DAAM1: variants seen among roughly 807,000 people sequenced by gnomAD.
DAAM1 encodes dishevelled associated activator of morphogenesis 1, also known as disheveled-associated activator of morphogenesis 1.
Under a neutral mutation model 130.0 loss-of-function variants are expected in DAAM1, and 52 were observed. The ratio of observed to expected loss-of-function variants is 0.40; its 90% CI spans 0.32 to 0.50. DAAM1 has a LOEUF of 0.50. Ranked by LOEUF, DAAM1 falls within the 20% of genes least tolerant of loss-of-function variation. The pLI is 0.61. For missense variants in DAAM1, 1,134 were observed against 1,303.8 expected, an observed-to-expected ratio of 0.87 and a Z score of 2.01; for synonymous variants, 452 against 444.5, an observed-to-expected ratio of 1.02 and a Z score of -0.21.
intron 16 of DAAM1, among the ~76,000 whole-genome samples, chr14:59,342,977 A>G (rs985533162): frequency 3.3e-5 from 5 of 152,166 alleles, no homozygotes; most frequent in Non-Finnish European, 7.4e-5. Context: ...CAGGCAGGAG[A>G]GCCCGAAATT....
chr14:59,338,494 G>GTTTTGT lies in DAAM1; in HGVS notation c.1969-1563_1969-1558dup, dbSNP rs1555364260. On this transcript the variant is annotated intron_variant, in intron 15 of 24. Coordinates refer to ENST00000360909, the MANE Select transcript of DAAM1 (RefSeq NM_001270520.2). ...GCTTGAAATCTCTTCGTTATCCAGG[G>GTTTTGT]TTTTGTTTTTGTTTTTGTTTTTTTA... 5.2e-6 allele frequency: 8 copies of GTTTTGT among 1,529,910 alleles called. No homozygotes were observed. In the Admixed American group the frequency reaches 5.2e-5, roughly 10 times the overall value. 94.8% of individuals were successfully genotyped at this position (1,529,910 alleles called of 1,614,324 possible). A position where few individuals can be genotyped will look rare whatever the true frequency, so the allele number is the denominator to read the frequency against.
At chr14:59,282,866 C>G (rs1883286503) in intron 2 of DAAM1, among the ~76,000 whole-genome samples, 1 of 152,120 alleles carries the variant, frequency 6.6e-6, no homozygotes, top group Admixed American at 6.6e-5. Flanking sequence ...CCCATTTATT[C>G]CTTTCCATTT....
intron 12 of DAAM1, among the ~76,000 whole-genome samples, chr14:59,329,047 A>T (rs962656755): frequency 6.6e-6 from 1 of 152,118 alleles, no homozygotes; most frequent in Admixed American, 6.5e-5. Flanking sequence ...GAAGTGCTCA[A>T]TAAAAGCTTA....
Position 59,324,226 on chromosome 14 carries a change from A to G in DAAM1, c.873A>G (p.Gln291=), listed in dbSNP as rs1885124575. 2 of 1,436,606 alleles carry G rather than the reference A, an allele frequency of 1.4e-6. No individual in the cohort carries two copies. Among genetic ancestry groups the G allele is most frequent in the Non-Finnish European group, 1.8e-6 (2 of 1,090,528 alleles). The allele number at this position is 1,436,606 out of a possible 1,614,324, so 89.0% of individuals were successfully genotyped here. Residue 291 remains glutamine (Q), a synonymous_variant, in exon 7 of 25, where the codon CAA becomes CAG. Transcript: ENST00000360909. ...CCTTCATTAATGCAGTGCTCAGCCA[A>G]GGTGCAGGAGTGGTAAGAACCTTCT... is the stretch of plus-strand genomic sequence containing the variant. The part of the protein sequence containing the change: ...IMSFINAVLS[Q]GAGVESLDFR...
At chr14:59,296,787 A>G (rs1883970315) in intron 3 of DAAM1, among the ~76,000 whole-genome samples, 1 of 152,074 alleles carries the variant, frequency 6.6e-6, no homozygotes, top group African/African-American at 2.4e-5. Context: ...TTTGATTTCT[A>G]TTTTGTTTCT....
At chr14:59,321,846 A>G (rs1035843812) in intron 5 of DAAM1, among the ~76,000 whole-genome samples, 3 of 152,204 alleles carry the variant, frequency 2.0e-5, no homozygotes, top group Non-Finnish European at 2.9e-5. Flanking sequence ...TCAGATGTTA[A>G]TCGATATCCA....
intron 4 of DAAM1, among the ~76,000 whole-genome samples, chr14:59,317,939 T>C (rs12372866): frequency 0.11 from 16,877 of 152,220 alleles, 1,512 homozygotes; most frequent in African/African-American, 0.25. Context: ...GATAGGCTTC[T>C]GTTTTCTTTA....
intron 1 of DAAM1, among the ~76,000 whole-genome samples, chr14:59,197,058 C>T (rs1887920843): frequency 6.6e-6 from 1 of 152,012 alleles, no homozygotes; most frequent in Non-Finnish European, 1.5e-5. Flanking sequence ...GTAGCTGGGA[C>T]TACAGGCGCC....
intron 2 of DAAM1, among the ~76,000 whole-genome samples, chr14:59,274,575 G>A (rs934943807): frequency 2.6e-5 from 4 of 152,118 alleles, no homozygotes; most frequent in Non-Finnish European, 1.5e-5. Flanking sequence ...TCCAGAGTAG[G>A]TGCTCAATGA....
At chr14:59,367,353 G>C in intron 23 of DAAM1, 76 bp from the exon 24 acceptor site, 4 of 1,515,266 alleles carry the variant, frequency 2.6e-6, no homozygotes, top group Non-Finnish European at 3.5e-6. Flanking sequence ...CTGGGCTTTG[G>C]TCTTTCTCAA....
chr14:59,283,314 G>A (rs188701110), intron 2 of DAAM1, among the ~76,000 whole-genome samples: 15 of 152,224 alleles, frequency 9.9e-5, no homozygotes, highest in Admixed American at 4.6e-4. Context: ...TTAAGTGCAG[G>A]TATGAATAAC....
chr14:59,347,527 T>C lies in DAAM1; in HGVS notation c.2076-12T>C. On this transcript the variant is annotated splice_polypyrimidine_tract_variant and intron_variant, in intron 16 of 24. Coordinates refer to ENST00000360909, the MANE Select transcript of DAAM1 (RefSeq NM_001270520.2). Reference sequence around the variant, plus strand: ...AACCAATATGGTTAATAACAAAATATTCTTTCTCCAGGTTGAAATTATCCA... The same window carrying C: ...AACCAATATGGTTAATAACAAAATACTCTTTCTCCAGGTTGAAATTATCCA... The C allele has an allele frequency of 6.2e-7, 1 of 1,611,566 alleles. No homozygotes were observed. Among genetic ancestry groups the C allele is most frequent in the Non-Finnish European group, 8.5e-7 (1 of 1,178,434 alleles).
At chr14:59,217,970 CAAA>C (rs529262981) in intron 1 of DAAM1, among the ~76,000 whole-genome samples, 1 of 109,738 alleles carries the variant, frequency 9.1e-6, no homozygotes. Flanking sequence ...GACTCTGTCT[CAAA>C]AAAAAAAAAA....
At chr14:59,274,946 C>T (rs1330018652) in intron 2 of DAAM1, among the ~76,000 whole-genome samples, 1 of 152,172 alleles carries the variant, frequency 6.6e-6, no homozygotes, top group Non-Finnish European at 1.5e-5. Context: ...CTGTATATTA[C>T]GTGGTGAAAT....
chr14:59,274,128 C>A (rs1344402988), intron 2 of DAAM1, among the ~76,000 whole-genome samples: 1 of 152,074 alleles, frequency 6.6e-6, no homozygotes, highest in East Asian at 1.9e-4. Flanking sequence ...AATTTTTGTT[C>A]CTTGGCAAAC....
intron 17 of DAAM1, 100 bp downstream of exon 17, chr14:59,347,723 C>T: frequency 8.5e-7 from 1 of 1,175,344 alleles, no homozygotes; most frequent in Non-Finnish European, 1.2e-6. Flanking sequence ...ATCATTTCCT[C>T]ATCTATGAAT....
rs375251391 is a variant in DAAM1 at position 59,326,089 on chromosome 14, C to T, written c.1174+12C>T. On this transcript the variant is annotated intron_variant, in intron 10 of 24. Coordinates refer to ENST00000360909, the MANE Select transcript of DAAM1 (RefSeq NM_001270520.2). Reference sequence around the variant, plus strand: ...CCTCCAAATGCCTTGTAAGTGTGTTCGTGACTCACATGTGTGCTTCTGAAT... The same window carrying T: ...CCTCCAAATGCCTTGTAAGTGTGTTTGTGACTCACATGTGTGCTTCTGAAT... 2.7e-4 allele frequency: 433 copies of T among 1,608,342 alleles called. 1 individual carries two copies. The African/African-American group carries it at 5.0e-3, about 18-fold the overall frequency.
intron 3 of DAAM1, 47 bp from the exon 4 acceptor site, chr14:59,315,233 G>A (rs768093118): frequency 4.5e-6 from 7 of 1,553,228 alleles, no homozygotes; most frequent in Non-Finnish European, 6.2e-6. Flanking sequence ...TCTAGGTGCT[G>A]TGTGTATATG....
At chr14:59,296,799 T>A (rs960663575) in intron 3 of DAAM1, among the ~76,000 whole-genome samples, 6 of 152,226 alleles carry the variant, frequency 3.9e-5, no homozygotes, top group African/African-American at 1.4e-4. Flanking sequence ...TTTGTTTCTG[T>A]CCCTTTTGCC....
Sources: allele counts gnomAD v4.1 joint callset (sites outside exome capture counted in the v4.1 genomes callset), GRCh38; gene constraint gnomAD v4.1.1; transcripts MANE v1.5; gene names NCBI Gene and HGNC (gene_info 2026-07-23, HGNC 2026-07-21).